CENPI: variants seen among roughly 807,000 people sequenced by gnomAD.
CENPI encodes the protein FSH primary response 1.
Under a neutral mutation model 60.4 loss-of-function variants are expected in CENPI, and 4 were observed. That is an observed-to-expected ratio of 0.07 (90% confidence interval 0.03 to 0.15). CENPI has a LOEUF of 0.15. Among genes scored for constraint, CENPI ranks in the 10% least tolerant of loss-of-function variants. The pLI is 1.00. For missense variants in CENPI, 444 were observed against 534.5 expected, an observed-to-expected ratio of 0.83 and a Z score of 1.67; for synonymous variants, 157 against 189.4, an observed-to-expected ratio of 0.83 and a Z score of 1.40.
rs1229252573 is a variant in CENPI at position 101,106,433 on chromosome X, T to G, written c.365-3040T>G. Among the ~76,000 whole-genome samples the G allele has an allele frequency of 2.0e-3, 199 of 101,587 alleles. 3 individuals carry two copies. The highest frequency in any genetic ancestry group is 2.7e-3 in the Non-Finnish European group (136 of 49,731). 88.2% of individuals were successfully genotyped at this position (101,587 alleles called of 115,157 possible). On this transcript the variant is annotated intron_variant, in intron 4 of 21. Transcript: ENST00000682095. ...CTATGACATCTTTTTTTTTTTTTTT[T>G]GAGATGGAGTTTTGCTCTTGTCACC... is the stretch of plus-strand genomic sequence containing the variant.
chrX:101,149,678 T>G (rs2089991040), intron 20 of CENPI, among the ~76,000 whole-genome samples: 1 of 110,495 alleles, frequency 9.1e-6, no homozygotes, highest in African/African-American at 3.3e-5. Context: ...GGCTAATTTT[T>G]ATATTTTTAG....
intron 6 of CENPI, among the ~76,000 whole-genome samples, chrX:101,111,232 G>A (rs755880504): frequency 9.0e-6 from 1 of 111,196 alleles, no homozygotes; most frequent in South Asian, 3.8e-4. Flanking sequence ...CTGAAGGCAG[G>A]AATACTAGTT....
intron 8 of CENPI, among the ~76,000 whole-genome samples, chrX:101,122,594 G>A (rs2089690407): frequency 6.3e-5 from 7 of 111,307 alleles, no homozygotes. Flanking sequence ...AAAGATCTTA[G>A]TACCCAGGTG....
In CENPI at chrX:101,101,934, G is replaced by A. The variant is rs190916647; in HGVS notation, c.227-340G>A. Among the ~76,000 whole-genome samples the A allele has an allele frequency of 2.8e-4, 32 of 112,551 alleles. No homozygotes were observed. The East Asian group carries it at 7.2e-3, about 25-fold the overall frequency. ...CTTGCTCTGTTGCCCAGGCTGGAGTGCAGTGGCATGATCATTGTACGTTTA... is the reference window on the plus strand; with the variant it reads ...CTTGCTCTGTTGCCCAGGCTGGAGTACAGTGGCATGATCATTGTACGTTTA... On this transcript the variant is annotated intron_variant, in intron 3 of 21. Coordinates refer to ENST00000682095, the MANE Select transcript of CENPI (RefSeq NM_001386188.2).
At chrX:101,178,455 G>A in the CENPI span, among the ~76,000 whole-genome samples, 1 of 76,725 alleles carries the variant, frequency 1.3e-5, no homozygotes, top group Non-Finnish European at 2.4e-5. Flanking sequence ...TTGTTGCCCA[G>A]GCTGGAGTGC....
chrX:101,160,087 G>A (rs2090093423), intron 20 of CENPI, among the ~76,000 whole-genome samples: 1 of 112,113 alleles, frequency 8.9e-6, no homozygotes, highest in Admixed American at 9.6e-5. Flanking sequence ...CAGATACATC[G>A]TTGTGATCAT....
intron 15 of CENPI, among the ~76,000 whole-genome samples, chrX:101,138,113 G>A (rs372854552): frequency 1.1e-5 from 1 of 90,774 alleles, no homozygotes; most frequent in Non-Finnish European, 2.1e-5. Flanking sequence ...TCAGCCTCCC[G>A]AGTAGTTGAG....
At chrX:101,177,867 C>T in the CENPI span, among the ~76,000 whole-genome samples, 1 of 112,028 alleles carries the variant, frequency 8.9e-6, no homozygotes, top group African/African-American at 3.2e-5. Context: ...AATGGGGCTC[C>T]AAAGATGTGG....
intron 20 of CENPI, among the ~76,000 whole-genome samples, chrX:101,156,863 G>A (rs143924670): frequency 0.017 from 1,869 of 109,569 alleles, 18 homozygotes; most frequent in South Asian, 0.035. Context: ...GTATTTCATC[G>A]TATATATATA....
intron 20 of CENPI, among the ~76,000 whole-genome samples, chrX:101,148,579 G>GTCTT (rs1425264826): frequency 8.9e-6 from 1 of 112,126 alleles, no homozygotes; most frequent in Non-Finnish European, 1.9e-5. Flanking sequence ...TACAATTAGA[G>GTCTT]TCTTAGTCAA....
At chrX:101,172,969 CA>C in the CENPI span, among the ~76,000 whole-genome samples, 1 of 105,772 alleles carries the variant, frequency 9.5e-6, no homozygotes, top group Non-Finnish European at 1.9e-5. Context: ...TATGCAAAGA[CA>C]ATTGTATATG....
intron 20 of CENPI, among the ~76,000 whole-genome samples, chrX:101,153,703 A>C (rs2090028070): frequency 1.8e-5 from 2 of 111,808 alleles, no homozygotes; most frequent in Admixed American, 9.6e-5. Context: ...GTTTTCTCCA[A>C]TTTTGTGGGT....
intron 13 of CENPI, among the ~76,000 whole-genome samples, chrX:101,130,607 G>C (rs5967249): frequency 0.27 from 30,325 of 111,773 alleles, 3,523 homozygotes; most frequent in African/African-American, 0.44. Flanking sequence ...TGTAATTTAA[G>C]AGAACAAACT....
At chrX:101,161,626 G>T (rs1281844426) in intron 21 of CENPI, 57 bp downstream of exon 21, 4 of 1,063,805 alleles carry the variant, frequency 3.8e-6, no homozygotes, top group South Asian at 2.0e-5. Context: ...ATTTCATCAA[G>T]AGAATTTATA....
At position 101,148,094 on chromosome X, in the gene CENPI, A is replaced by G. The variant is rs760409881; in HGVS notation, c.2027A>G (p.Tyr676Cys). The G allele has an allele frequency of 8.4e-7, 1 of 1,184,944 alleles. No homozygotes were observed. The highest frequency in any genetic ancestry group is 2.6e-5 in the Admixed American group (1 of 39,173). The change falls in exon 20 of 22, where the codon TAT (tyrosine) becomes TGT (cysteine). Residue 676 changes from tyrosine to cysteine, a missense_variant. Transcript: ENST00000682095. The stretch of plus-strand genomic sequence containing the variant: ...CTAGAAAAAACTGGAGTGGCTGAAT[A>G]TAAAAACAGTTTAAATGTAGTCCAT... Reference protein sequence around the residue: ...EILEKTGVAEYKNSLNVVHHP... With the variant: ...EILEKTGVAECKNSLNVVHHP...
chrX:101,133,088 T>C (rs1292991793), intron 15 of CENPI, among the ~76,000 whole-genome samples: 1 of 110,906 alleles, frequency 9.0e-6, no homozygotes, highest in Admixed American at 9.7e-5. Flanking sequence ...TTTATAACTT[T>C]TTTTTTTAAC....
intron 4 of CENPI, among the ~76,000 whole-genome samples, chrX:101,102,996 A>T (rs1602756611): frequency 4.8e-5 from 3 of 62,254 alleles, no homozygotes; most frequent in African/African-American, 6.5e-5. Flanking sequence ...GGCCGAGGGG[A>T]TTTTTTTTTC....
At chrX:101,121,525 G>A (rs1248224370) in intron 8 of CENPI, among the ~76,000 whole-genome samples, 2 of 110,389 alleles carry the variant, frequency 1.8e-5, no homozygotes, top group African/African-American at 3.3e-5. Context: ...TTGACCTCAG[G>A]TGATCTGCCT....
intron 20 of CENPI, among the ~76,000 whole-genome samples, chrX:101,153,070 C>T (rs2090022150): frequency 9.2e-6 from 1 of 108,472 alleles, no homozygotes; most frequent in South Asian, 4.1e-4. Flanking sequence ...TGTGAGGGTT[C>T]CATTTTCTCC....
Sources: gnomAD v4.1 joint callset for allele counts (sites outside exome capture counted in the v4.1 genomes callset) on GRCh38, gnomAD v4.1.1 for gene constraint, MANE v1.5 for transcripts, NCBI Gene and HGNC (gene_info 2026-07-23, HGNC 2026-07-21) for gene names.